Variants in RCAN2 observed in about 807,000 individuals in gnomAD.
The protein encoded by RCAN2 is calcipressin-2.
Under a neutral mutation model 23.6 loss-of-function variants are expected in RCAN2, and 9 were observed. The observed-to-expected ratio is 0.38, with a 90% CI of 0.23 to 0.67. RCAN2 has a LOEUF of 0.67. RCAN2 is among the 30% of genes least tolerant of loss of function. The probability of loss-of-function intolerance (pLI) is 0.51; values close to 1 mark genes in which losing one functional copy is unlikely to be tolerated. For missense variants in RCAN2, 273 were observed against 302.3 expected (o/e 0.90, Z 0.72); for synonymous variants, 109 against 115.7 (o/e 0.94, Z 0.37).
intron 2 of RCAN2, among the ~76,000 whole-genome samples, chr6:46,394,302 G>A (rs986718324): frequency 2.0e-5 from 3 of 152,198 alleles, no homozygotes. Flanking sequence ...GGTCTTAACT[G>A]AAGGACATCA....
intron 1 of RCAN2, among the ~76,000 whole-genome samples, chr6:46,467,479 C>G (rs1283716494): frequency 6.6e-6 from 1 of 152,226 alleles, no homozygotes; most frequent in African/African-American, 2.4e-5. Context: ...TAAGTGTTAA[C>G]CATCTTAAGT....
chr6:46,490,426 C>T (rs915149074), intron 1 of RCAN2, among the ~76,000 whole-genome samples: 1 of 152,168 alleles, frequency 6.6e-6, no homozygotes, highest in African/African-American at 2.4e-5. Context: ...AAGAAATAGG[C>T]AGAAGTACCT....
intron 2 of RCAN2, among the ~76,000 whole-genome samples, chr6:46,405,193 G>T (rs1032607863): frequency 6.6e-6 from 1 of 152,156 alleles, no homozygotes. Flanking sequence ...TCCTTCTGGT[G>T]GGTTTGTGGT....
chr6:46,426,247 A>C (rs760482525), intron 2 of RCAN2, among the ~76,000 whole-genome samples: 7 of 152,140 alleles, frequency 4.6e-5, no homozygotes, highest in Admixed American at 1.3e-4. Flanking sequence ...TCCCACAGAA[A>C]TTTAATTATT....
intron 2 of RCAN2, among the ~76,000 whole-genome samples, chr6:46,380,809 T>G (rs527740323): frequency 6.6e-6 from 1 of 152,300 alleles, no homozygotes; most frequent in Non-Finnish European, 1.5e-5. Flanking sequence ...TGTAAAGAGA[T>G]AACGCATGTA....
chr6:46,320,858 G>T (rs947437790), intron 2 of RCAN2, among the ~76,000 whole-genome samples: 1 of 152,084 alleles, frequency 6.6e-6, no homozygotes, highest in Admixed American at 6.5e-5. Flanking sequence ...GTAGCATGAG[G>T]GAATTAGGTT....
At chr6:46,311,513 A>G (rs1046741017) in intron 2 of RCAN2, among the ~76,000 whole-genome samples, 4 of 152,218 alleles carry the variant, frequency 2.6e-5, no homozygotes, top group Non-Finnish European at 5.9e-5. Context: ...CAACAGGGTA[A>G]GTGCATGGGA....
At chr6:46,434,606 A>G (rs1767315997) in intron 2 of RCAN2, among the ~76,000 whole-genome samples, 1 of 152,204 alleles carries the variant, frequency 6.6e-6, no homozygotes, top group Admixed American at 6.5e-5. Context: ...TGGGATTATA[A>G]CTTTCTTTTC....
At chr6:46,365,336 C>A (rs1160005294) in intron 2 of RCAN2, among the ~76,000 whole-genome samples, 2 of 151,846 alleles carry the variant, frequency 1.3e-5, no homozygotes, top group Non-Finnish European at 2.9e-5. Flanking sequence ...ATTAGCTGGG[C>A]GTGGTGGTGG....
chr6:46,323,864 C>A (rs1463095928), intron 2 of RCAN2, among the ~76,000 whole-genome samples: 1 of 152,168 alleles, frequency 6.6e-6, no homozygotes, highest in Non-Finnish European at 1.5e-5. Flanking sequence ...TGGCATGTTG[C>A]AGATCTCCAA....
At chr6:46,309,418 G>A (rs1366347419) in intron 2 of RCAN2, among the ~76,000 whole-genome samples, 1 of 152,156 alleles carries the variant, frequency 6.6e-6, no homozygotes, top group Non-Finnish European at 1.5e-5. Context: ...TGTTTAATAA[G>A]TTGTAATAGC....
At chr6:46,316,015 C>T (rs1418773646) in intron 2 of RCAN2, among the ~76,000 whole-genome samples, 1 of 152,174 alleles carries the variant, frequency 6.6e-6, no homozygotes, top group African/African-American at 2.4e-5. Context: ...TGTAATTCCT[C>T]ACTCCCAAAC....
chr6:46,411,949 T>C (rs4327691), intron 2 of RCAN2, among the ~76,000 whole-genome samples: 85,726 of 151,984 alleles, frequency 0.56, 24,296 homozygotes, highest in East Asian at 0.61. Flanking sequence ...AAATAAAGAA[T>C]TGACATAATC....
At chr6:46,491,901 T>G (rs938004277), upstream of RCAN2, 2 of 152,286 alleles carry the variant, frequency 1.3e-5, no homozygotes, top group Non-Finnish European at 2.9e-5. Flanking sequence ...TCTGGCTAAC[T>G]GAGGAAATGT....
chr6:46,453,472 T>A (rs1767937143), intron 2 of RCAN2, among the ~76,000 whole-genome samples: 1 of 152,204 alleles, frequency 6.6e-6, no homozygotes, highest in Non-Finnish European at 1.5e-5. Context: ...AAAATTGGAA[T>A]GAACATTACG....
intron 1 of RCAN2, among the ~76,000 whole-genome samples, chr6:46,472,064 C>T (rs1252207684): frequency 6.6e-6 from 1 of 152,132 alleles, no homozygotes; most frequent in Non-Finnish European, 1.5e-5. Flanking sequence ...ACTCTAAAGG[C>T]TACAAAGGGA....
At chr6:46,237,493 G>T (rs1451745962) in intron 4 of RCAN2, among the ~76,000 whole-genome samples, 1 of 152,158 alleles carries the variant, frequency 6.6e-6, no homozygotes, top group Non-Finnish European at 1.5e-5. Context: ...GTTTTCCAAA[G>T]ATGGTCATAA....
intron 1 of RCAN2, among the ~76,000 whole-genome samples, chr6:46,458,521 A>G (rs1403609826): frequency 6.6e-6 from 1 of 152,142 alleles, no homozygotes; most frequent in Non-Finnish European, 1.5e-5. Flanking sequence ...TAATAAAACA[A>G]TTCTTGCACT....
chr6:46,366,902 C>T (rs558682291), intron 2 of RCAN2, among the ~76,000 whole-genome samples: 7 of 150,928 alleles, frequency 4.6e-5, no homozygotes, highest in African/African-American at 1.7e-4. Flanking sequence ...TGAATAAAGT[C>T]GTTCTTACTG....
Sources: gnomAD v4.1 joint callset for allele counts (sites outside exome capture counted in the v4.1 genomes callset) on GRCh38, gnomAD v4.1.1 for gene constraint, MANE v1.5 for transcripts, NCBI Gene and HGNC (gene_info 2026-07-23, HGNC 2026-07-21) for gene names.